Variants in ENTPD2 observed in about 807,000 individuals in gnomAD.
The protein encoded by ENTPD2 is ectonucleoside triphosphate diphosphohydrolase 2, also known as CD39 antigen-like 1.
ENTPD2 carries 48 observed loss-of-function variants against 46.8 expected under a neutral mutation model. The ratio of observed to expected loss-of-function variants is 1.03; its 90% confidence interval spans 0.81 to 1.30. ENTPD2 has a LOEUF of 1.30. ENTPD2 is among the 50% of genes most tolerant of loss of function. ENTPD2 has a pLI of 0.00. For synonymous variants in ENTPD2, 316 were observed against 286.1 expected (o/e 1.10, Z -1.06); for missense variants, 707 against 651.1 (o/e 1.09, Z -0.93).
Position 137,051,264 on chromosome 9 carries a change from C to T in ENTPD2, c.493G>A (p.Glu165Lys). The change falls in exon 4 of 9, where the codon GAG (glutamate) becomes AAG (lysine). Residue 165 changes from glutamate (E) to lysine (K), a missense_variant. Physicochemically the swap from Glu to Lys is moderately conservative, Grantham distance 56. Coordinates refer to ENST00000355097, the MANE Select transcript of ENTPD2 (RefSeq NM_203468.3). ...RGARILSGQE[E>K]GVFGWVTANY... ...GCAGTCACCCAGCCAAACACCCCCT[C>T]TTCCTGGCCCGAGAGGATGCGTGCA... 1 of 1,612,910 alleles carries T rather than the reference C, an allele frequency of 6.2e-7. No homozygotes were observed. The highest frequency in any genetic ancestry group is 1.1e-5 in the South Asian group (1 of 91,066).
chr9:137,053,929 T>G lies in ENTPD2; in HGVS notation c.69A>C (p.Leu23=), dbSNP rs1832352385. ...LLAAAGLAGL[L]LLCVPTRDVR... is the part of the protein sequence containing the mutation. Reference sequence around the variant, plus strand: ...CGTCGCGGGTGGGGACGCACAGCAGTAGGAGGCCGGCGAGGCCCGCGGCGG... The same window carrying G: ...CGTCGCGGGTGGGGACGCACAGCAGGAGGAGGCCGGCGAGGCCCGCGGCGG... Residue 23 remains leucine, a synonymous_variant, in exon 1 of 9, where the codon CTA becomes CTC. Coordinates refer to ENST00000355097, the MANE Select transcript of ENTPD2 (RefSeq NM_203468.3). The G allele has an allele frequency of 1.6e-6, 2 of 1,216,258 alleles. No individual in the cohort carries two copies. The highest frequency in any genetic ancestry group is 2.0e-6 in the Non-Finnish European group (2 of 975,790). The allele number at this position is 1,216,258 out of a possible 1,614,324, so 75.3% of individuals were successfully genotyped here. A position where few individuals can be genotyped will look rare whatever the true frequency, so the allele number is the denominator to read the frequency against.
chr9:137,048,991 C>G lies in ENTPD2; in HGVS notation c.1234G>C (p.Gly412Arg), dbSNP rs747780229. 156 of 1,537,190 alleles carry G rather than the reference C, an allele frequency of 1.0e-4. No homozygotes were observed. The highest frequency in any genetic ancestry group is 3.0e-4 in the East Asian group (12 of 40,622). Residue 412 changes from glycine (G) to arginine (R), a missense_variant, in exon 8 of 9, where the codon GGC becomes CGC. Gly to Arg is a moderately radical substitution (Grantham distance 125, BLOSUM62 -2). Coordinates refer to ENST00000355097, the MANE Select transcript of ENTPD2 (RefSeq NM_203468.3). ...AAGGCGCGCTCGTCGAAGCCGTAGC[C>G]GCGACTCAGCAGCTGCTGCACGAAC... ...AMFVQQLLSR[G>R]YGFDERAFGG...
At position 137,052,344 on chromosome 9, in the gene ENTPD2, C is replaced by A. The variant is rs1832315087; in HGVS notation, c.122G>T (p.Gly41Val). The change falls in exon 2 of 9, where the codon GGC becomes GTC. Residue 41 changes from glycine to valine, a missense_variant. Transcript: ENST00000355097. ...DVREPPALKY[G>V]IVLDAGSSHT... ...TGAAGAACCAGCGTCCAGGACGATG[C>A]CATACTGCGGGGGAGGGGGAGGGAG... 1 of 1,609,910 alleles carries A rather than the reference C, an allele frequency of 6.2e-7. No individual in the cohort carries two copies. The highest frequency in any genetic ancestry group is 8.5e-7 in the Non-Finnish European group (1 of 1,178,288).
In ENTPD2 at chr9:137,049,998, G is replaced by A. The variant is rs755798174; in HGVS notation, c.1030-9C>T. On this transcript the variant is annotated splice_polypyrimidine_tract_variant and intron_variant, in intron 6 of 8. Transcript: ENST00000355097. Reference sequence around the variant, plus strand: ...AAGAAGGCAGAGAAGGCCTGTAGGGGGCGCAGTCACACTGTGACCGAACCC... The same window carrying A: ...AAGAAGGCAGAGAAGGCCTGTAGGGAGCGCAGTCACACTGTGACCGAACCC... 5 of 1,609,998 alleles carry A rather than the reference G, an allele frequency of 3.1e-6. No homozygotes were observed. Among genetic ancestry groups the A allele is most frequent in the Middle Eastern group, 1.7e-4 (1 of 5,996 alleles).
Position 137,048,976 on chromosome 9 carries a change from C to A in ENTPD2, c.1249G>T (p.Glu417Ter). The change falls in exon 8 of 9, where the codon GAG becomes TAG. Residue 417 changes from glutamate (E) to a stop codon, truncating the protein, a stop_gained. Coordinates refer to ENST00000355097, the MANE Select transcript of ENTPD2 (RefSeq NM_203468.3). LOFTEE classifies it low-confidence loss of function (END_TRUNC). ...QLLSRGYGFDERAFGGVIFQK... is the reference protein window; with the variant it reads ...QLLSRGYGFD ...AAGATCACGCCGCCGAAGGCGCGCT[C>A]GTCGAAGCCGTAGCCGCGACTCAGC... 7 of 1,536,238 alleles carry A rather than the reference C, an allele frequency of 4.6e-6. No individual in the cohort carries two copies. The highest frequency in any genetic ancestry group is 6.1e-6 in the Non-Finnish European group (7 of 1,144,508).
chr9:137,051,089 G>A lies in ENTPD2; in HGVS notation c.587C>T (p.Thr196Ile). The A allele has an allele frequency of 6.2e-7, 1 of 1,612,832 alleles. No individual in the cohort carries two copies. Among genetic ancestry groups the A allele is most frequent in the Non-Finnish European group, 8.5e-7 (1 of 1,180,004 alleles). Reference protein sequence around the residue: ...VGRWFRPRKGTLGAMDLGGAS... With the variant: ...VGRWFRPRKGILGAMDLGGAS... ...ACCCCCCAGGTCCATGGCCCCCAGT[G>A]TCCCCTTCCGTGGCCGGAACCACCG... Residue 196 changes from threonine to isoleucine, a missense_variant, in exon 5 of 9, where the codon ACA (threonine) becomes ATA (isoleucine). Physicochemically the swap from Thr to Ile is moderately conservative, Grantham distance 89. Transcript: ENST00000355097.
chr9:137,053,941 G>A lies in ENTPD2; in HGVS notation c.57C>T (p.Leu19=). ...GGACGCACAGCAGTAGGAGGCCGGCGAGGCCCGCGGCGGCCAGCAGCAGCG... is the reference window on the plus strand; with the variant it reads ...GGACGCACAGCAGTAGGAGGCCGGCAAGGCCCGCGGCGGCCAGCAGCAGCG... ...LPPLLLAAAG[L]AGLLLLCVPT... Residue 19 remains leucine (L), a synonymous_variant, in exon 1 of 9, where the codon CTC becomes CTT. Transcript: ENST00000355097. 4.9e-6 allele frequency: 6 copies of A among 1,214,688 alleles called. No individual in the cohort carries two copies. Among genetic ancestry groups the A allele is most frequent in the Non-Finnish European group, 6.2e-6 (6 of 973,938 alleles). The allele number at this position is 1,214,688 out of a possible 1,614,324, so 75.2% of individuals were successfully genotyped here. A position where few individuals can be genotyped will look rare whatever the true frequency, so the allele number is the denominator to read the frequency against.
Position 137,050,968 on chromosome 9 carries a change from G to A in ENTPD2, c.708C>T (p.Tyr236=), listed in dbSNP as rs199705392. 7.3e-5 allele frequency: 118 copies of A among 1,612,808 alleles called. No homozygotes were observed. The South Asian group carries it at 1.3e-3, about 17-fold the overall frequency. The change falls in exon 5 of 9, where the codon TAC becomes TAT. Residue 236 remains tyrosine (Y), a synonymous_variant. Coordinates refer to ENST00000355097, the MANE Select transcript of ENTPD2 (RefSeq NM_203468.3). ...LHLYGQHYRV[Y]THSFLCYGRD... ...GGCCATAGCAGAGGAAGCTGTGGGT[G>A]TAGACTCGGTAGTGCTGGCCGTAGA...
In ENTPD2 at chr9:137,050,279, C is replaced by A. The variant is rs1481181832; in HGVS notation, c.1029+5G>T. 1.9e-6 allele frequency: 3 copies of A among 1,589,454 alleles called. No homozygotes were observed. In the East Asian group the frequency reaches 6.9e-5, roughly 36 times the overall value. ...GTTCCCAGCCACCCGCCTGCCCCTA[C>A]TCACCACAAAGTTCCCAGCCACTGG... On this transcript the variant is annotated splice_donor_5th_base_variant and intron_variant, in intron 6 of 8. Coordinates refer to ENST00000355097, the MANE Select transcript of ENTPD2 (RefSeq NM_203468.3).
In ENTPD2 at chr9:137,050,906, A is replaced by C. The variant is rs1272924060; in HGVS notation, c.770T>G (p.Leu257Arg). Residue 257 changes from leucine to arginine, a missense_variant, in exon 5 of 9, where the codon CTC becomes CGC. By Grantham distance (102) the Leu-to-Arg change is moderately radical. Coordinates refer to ENST00000355097, the MANE Select transcript of ENTPD2 (RefSeq NM_203468.3). ...QVLQRLLASA[L>R]QTHGFHPCWP... ...TGAGCCAGGGTGGAGGGGCACCTGG[A>C]GGGCGCTGGCCAGCAGCCTCTGGAG... 6.2e-7 allele frequency: 1 copy of C among 1,610,496 alleles called. No individual in the cohort carries two copies. Among genetic ancestry groups the C allele is most frequent in the African/African-American group, 1.3e-5 (1 of 74,938 alleles).
At chr9:137,053,773 G>T in intron 1 of ENTPD2, 108 bp downstream of exon 1, 2 of 718,488 alleles carry the variant, frequency 2.8e-6, no homozygotes, top group Non-Finnish European at 1.9e-6. Context: ...AGCAGAGCAC[G>T]GTGGGGGTCC....
chr9:137,050,361 A>G lies in ENTPD2; in HGVS notation c.952T>C (p.Phe318Leu). Residue 318 changes from phenylalanine to leucine, a missense_variant, in exon 6 of 9, where the codon TTC becomes CTC. Physicochemically the swap from Phe to Leu is conservative, Grantham distance 22. Transcript: ENST00000355097. ...HLCRDLVSGLFSFSSCPFSRC... is the reference protein window; with the variant it reads ...HLCRDLVSGLLSFSSCPFSRC... The stretch of plus-strand genomic sequence containing the variant: ...GAGAAGGGGCAGGAGGAGAAGCTGA[A>G]GAGCCCAGAAACCAGATCTCGGCAG... 1.2e-6 allele frequency: 2 copies of G among 1,613,106 alleles called. No individual in the cohort carries two copies. The highest frequency in any genetic ancestry group is 1.7e-6 in the Non-Finnish European group (2 of 1,179,980).
At chr9:137,052,193 G>A (rs1832311097) in intron 2 of ENTPD2, 38 bp downstream of exon 2, 6 of 1,586,120 alleles carry the variant, frequency 3.8e-6, no homozygotes, top group Admixed American at 1.7e-5. Flanking sequence ...AGACCCTGCA[G>A]TGAGTGGGCG....
At position 137,052,351 on chromosome 9, in the gene ENTPD2, G is replaced by C. The variant is rs545396334; in HGVS notation, c.118-3C>G. ...CCAGCGTCCAGGACGATGCCATACT[G>C]CGGGGGAGGGGGAGGGAGTCAGCCT... On this transcript the variant is annotated splice_polypyrimidine_tract_variant and splice_region_variant and intron_variant, in intron 1 of 8. Coordinates refer to ENST00000355097, the MANE Select transcript of ENTPD2 (RefSeq NM_203468.3). 3.0e-5 allele frequency: 47 copies of C among 1,582,190 alleles called. 1 individual carries two copies. The highest frequency in any genetic ancestry group is 2.2e-4 in the African/African-American group (16 of 74,096).
Position 137,049,941 on chromosome 9 carries a change from C to G in ENTPD2, c.1078G>C (p.Gly360Arg), listed in dbSNP as rs775772193. 3 of 1,612,464 alleles carry G rather than the reference C, an allele frequency of 1.9e-6. No homozygotes were observed. Among genetic ancestry groups the G allele is most frequent in the African/African-American group, 2.7e-5 (2 of 74,914 alleles). ...TGCTGCAGGGTGGCCACGGGCAGCC[C>G]CATCGAAGTCCGCAAAAAGTCCACA... ...YTVDFLRTSM[G>R]LPVATLQQLE... Residue 360 changes from glycine (G) to arginine (R), a missense_variant, in exon 7 of 9, where the codon GGG becomes CGG. By Grantham distance (125) the Gly-to-Arg change is moderately radical. Coordinates refer to ENST00000355097, the MANE Select transcript of ENTPD2 (RefSeq NM_203468.3).
At position 137,048,522 on chromosome 9, in the gene ENTPD2, A is replaced by C; in HGVS notation, c.*135T>G. 8.9e-6 allele frequency: 5 copies of C among 559,230 alleles called. No homozygotes were observed. The highest frequency in any genetic ancestry group is 2.3e-5 in the African/African-American group (1 of 44,426). The allele number at this position is 559,230 out of a possible 1,614,324, so 34.6% of individuals were successfully genotyped here. On this transcript the variant is annotated 3_prime_UTR_variant, in exon 9 of 9. Coordinates refer to ENST00000355097, the MANE Select transcript of ENTPD2 (RefSeq NM_203468.3). ...AGGAATGCAGGATACAGGGGCGGGG[A>C]GAGAGGTTGGGAGAGGGGTGGGTGG...
intron 1 of ENTPD2, 85 bp downstream of exon 1, chr9:137,053,796 G>T: frequency 1.1e-6 from 1 of 936,364 alleles, no homozygotes; most frequent in Non-Finnish European, 1.4e-6. Flanking sequence ...GGCTGATCCT[G>T]CTCAGGTTCC....
chr9:137,049,793 T>G (rs553876051), intron 7 of ENTPD2, 77 bp downstream of exon 7: 1 of 1,504,072 alleles, frequency 6.6e-7, no homozygotes, highest in South Asian at 1.3e-5. Context: ...GGCCTGTCCA[T>G]GCAGGGCTGG....
chr9:137,051,179 C>A, intron 4 of ENTPD2, 32 bp downstream of exon 4: 1 of 1,611,868 alleles, frequency 6.2e-7, no homozygotes. Context: ...GCGCCCACGC[C>A]CCCTGGCTCT....
Sources: allele counts gnomAD v4.1 joint callset, GRCh38; gene constraint gnomAD v4.1.1; transcripts MANE v1.5; gene names NCBI Gene and HGNC (gene_info 2026-07-23, HGNC 2026-07-21).